DCLK3: variants seen among roughly 807,000 people sequenced by gnomAD.
DCLK3 encodes the protein serine/threonine-protein kinase DCLK3.
A neutral mutation model predicts 46.4 loss-of-function variants in DCLK3; 30 were observed. That is an observed-to-expected ratio of 0.65 (90% CI 0.48 to 0.88). The LOEUF is 0.88. Ranked by LOEUF, DCLK3 falls within the 40% of genes least tolerant of loss-of-function variation. The pLI, the probability that DCLK3 is intolerant of heterozygous loss-of-function variation, is 0.00. For synonymous variants in DCLK3, 401 were observed against 339.2 expected (o/e 1.18, Z -2.00); for missense variants, 846 against 907.1 (o/e 0.93, Z 0.87).
intron 2 of DCLK3, among the ~76,000 whole-genome samples, chr3:36,735,579 G>C (rs955196578): frequency 1.3e-5 from 2 of 152,190 alleles, no homozygotes; most frequent in Admixed American, 1.3e-4. Flanking sequence ...TCCCCAGGCT[G>C]AGTTTACAGC....
At position 36,743,273 on chromosome 3, in the gene DCLK3, C is replaced by A. The variant is rs200992178; in HGVS notation, c.83-4189G>T. Among the ~76,000 whole-genome samples the A allele has an allele frequency of 2.0e-3, 239 of 117,818 alleles. 1 individual carries two copies. Among genetic ancestry groups the A allele is most frequent in the Admixed American group, 2.8e-3 (31 of 11,106 alleles). The allele number at this position is 117,818 out of a possible 152,430, so 77.3% of individuals were successfully genotyped here. On this transcript the variant is annotated intron_variant, in intron 1 of 4. Coordinates refer to ENST00000636136, the MANE Select transcript of DCLK3 (RefSeq NM_001394672.2). The stretch of plus-strand genomic sequence containing the variant: ...AGTATAATGCAAATATCCCAAAATC[C>A]AAAAAAAAAAAAAAAAACTCCTTGA...
chr3:36,715,131 T>C lies in DCLK3; in HGVS notation c.*197A>G. On this transcript the variant is annotated 3_prime_UTR_variant, in exon 5 of 5. Transcript: ENST00000636136. ...CCAAAAATGTATTAAAGGCTTTAAA[T>C]ATACAAATCTAAAAATATGTTGTGA... is the stretch of plus-strand genomic sequence containing the variant. 1.6e-6 allele frequency: 1 copy of C among 645,074 alleles called. No homozygotes were observed. Among genetic ancestry groups the C allele is most frequent in the Middle Eastern group, 4.3e-4 (1 of 2,312 alleles). 40.0% of individuals were successfully genotyped at this position (645,074 alleles called of 1,614,324 possible). A position where few individuals can be genotyped will look rare whatever the true frequency, so the allele number is the denominator to read the frequency against.
At chr3:36,716,808 C>CTACA (rs1454294579) in intron 4 of DCLK3, among the ~76,000 whole-genome samples, 1 of 152,220 alleles carries the variant, frequency 6.6e-6, no homozygotes, top group Non-Finnish European at 1.5e-5. Context: ...AAGGGTGTGA[C>CTACA]TACAGCAGGG....
chr3:36,733,599 A>T (rs1701224966), intron 2 of DCLK3, among the ~76,000 whole-genome samples: 1 of 152,140 alleles, frequency 6.6e-6, no homozygotes, highest in Non-Finnish European at 1.5e-5. Context: ...AGCCAACACC[A>T]CCCAGCATAT....
At chr3:36,726,222 A>G (rs1412285573) in intron 2 of DCLK3, among the ~76,000 whole-genome samples, 1 of 152,090 alleles carries the variant, frequency 6.6e-6, no homozygotes, top group Non-Finnish European at 1.5e-5. Flanking sequence ...ATCAGACACA[A>G]GTCAATACTC....
intron 2 of DCLK3, among the ~76,000 whole-genome samples, chr3:36,726,856 T>G (rs1168812939): frequency 6.6e-6 from 1 of 152,186 alleles, no homozygotes; most frequent in Non-Finnish European, 1.5e-5. Context: ...TAAGAAAACC[T>G]TGTTTGGAAG....
intron 2 of DCLK3, among the ~76,000 whole-genome samples, chr3:36,725,986 G>C (rs1701120821): frequency 6.6e-6 from 1 of 152,094 alleles, no homozygotes; most frequent in African/African-American, 2.4e-5. Context: ...CCCAACAAGG[G>C]ATTTGATACA....
chr3:36,761,058 C>A (rs1243657778), intron 1 of DCLK3, among the ~76,000 whole-genome samples: 1 of 152,192 alleles, frequency 6.6e-6, no homozygotes, highest in Admixed American at 6.5e-5. Flanking sequence ...CAAATTCTGT[C>A]AACATTTAGC....
At chr3:36,763,909 A>G (rs141520246) in intron 1 of DCLK3, among the ~76,000 whole-genome samples, 31 of 152,336 alleles carry the variant, frequency 2.0e-4, no homozygotes, top group African/African-American at 7.5e-4. Context: ...CCTGCTGGCG[A>G]GGGAAATAAA....
intron 3 of DCLK3, among the ~76,000 whole-genome samples, chr3:36,718,584 G>T (rs542415495): frequency 6.6e-6 from 1 of 152,332 alleles, no homozygotes; most frequent in African/African-American, 2.4e-5. Context: ...GTCACATGTG[G>T]CATGAGATGT....
In DCLK3 at chr3:36,738,240, C is replaced by T. The variant is rs933952118; in HGVS notation, c.927G>A (p.Glu309=). Residue 309 remains glutamate, a synonymous_variant, in exon 2 of 5, where the codon GAG becomes GAA. Coordinates refer to ENST00000636136, the MANE Select transcript of DCLK3 (RefSeq NM_001394672.2). ...EKTSGEIIRC[E]KCKRERELQQ... ...GGAGCTCCCTCTCTCTCTTGCACTT[C>T]TCGCATCTGATAATTTCACCCGAGG... is the stretch of plus-strand genomic sequence containing the variant. 19 of 1,580,252 alleles carry T rather than the reference C, an allele frequency of 1.2e-5. No individual in the cohort carries two copies. The highest frequency in any genetic ancestry group is 1.6e-5 in the Non-Finnish European group (19 of 1,167,682).
rs1236929593 is a variant in DCLK3 at position 36,737,424 on chromosome 3, G to A, written c.1743C>T (p.Pro581=). 3.7e-6 allele frequency: 6 copies of A among 1,614,072 alleles called. No individual in the cohort carries two copies. The highest frequency in any genetic ancestry group is 4.2e-6 in the Non-Finnish European group (5 of 1,180,040). The change falls in exon 2 of 5, where the codon CCC becomes CCT. Residue 581 remains proline, a synonymous_variant. Coordinates refer to ENST00000636136, the MANE Select transcript of DCLK3 (RefSeq NM_001394672.2). This position sits in a 1 kb window ranked among gnomAD's most constrained non-coding sequence, Gnocchi z 4.4. The part of the protein sequence containing the change: ...EILIIQSLSH[P]NIVKLHEVYE... The stretch of plus-strand genomic sequence containing the variant: ...AGACTTCATGCAATTTCACGATGTT[G>A]GGGTGAGAGAGGCTCTGGATGATCA...
At chr3:36,758,071 T>C (rs544000469) in intron 1 of DCLK3, among the ~76,000 whole-genome samples, 1 of 152,294 alleles carries the variant, frequency 6.6e-6, no homozygotes, top group East Asian at 1.9e-4. Context: ...GTGATGTCTC[T>C]GAACCATAAA....
At chr3:36,751,683 T>C (rs1701442893) in intron 1 of DCLK3, among the ~76,000 whole-genome samples, 2 of 152,216 alleles carry the variant, frequency 1.3e-5, no homozygotes, top group South Asian at 4.1e-4. Flanking sequence ...TTCTTTGGGA[T>C]TTCTTATGAT....
At chr3:36,720,504 C>CTTT (rs34010996) in intron 3 of DCLK3, among the ~76,000 whole-genome samples, 1,556 of 129,234 alleles carry the variant, frequency 0.012, 42 homozygotes, top group African/African-American at 0.018. Flanking sequence ...ATCTCCTCAT[C>CTTT]TTTTTTTTTT....
rs758805251 is a variant in DCLK3 at position 36,715,350 on chromosome 3, C to T, written c.2432G>A (p.Arg811Lys). The T allele has an allele frequency of 3.7e-6, 6 of 1,614,138 alleles. No individual in the cohort carries two copies. The highest frequency in any genetic ancestry group is 4.2e-6 in the Non-Finnish European group (5 of 1,180,008). The change falls in exon 5 of 5, where the codon AGG becomes AAG. Residue 811 changes from arginine (R) to lysine (K), a missense_variant. Arg to Lys is a conservative substitution (Grantham distance 26). Around this residue, in one of 3 missense-constraint regions of DCLK3, gnomAD observed 46 missense variants for 41.3 expected, o/e 1.11. Transcript: ENST00000636136. ...TGACTATGATACCTGCTCCACAACC[C>T]TCTTGTGCTGGCTCCGGAAGTGACC... ...SEGHFRSQHKRVVEQVS is the reference protein window; with the variant it reads ...SEGHFRSQHKKVVEQVS
At chr3:36,743,067 T>C (rs1205418810) in intron 1 of DCLK3, among the ~76,000 whole-genome samples, 1 of 151,930 alleles carries the variant, frequency 6.6e-6, no homozygotes, top group African/African-American at 2.4e-5. Flanking sequence ...TTTTGAACCA[T>C]AAAAAAACAA....
intron 2 of DCLK3, among the ~76,000 whole-genome samples, chr3:36,726,858 G>T (rs1400175656): frequency 6.6e-6 from 1 of 152,170 alleles, no homozygotes; most frequent in Non-Finnish European, 1.5e-5. Context: ...AGAAAACCTT[G>T]TTTGGAAGGG....
intron 1 of DCLK3, among the ~76,000 whole-genome samples, chr3:36,760,122 A>T (rs1701525935): frequency 6.6e-6 from 1 of 152,124 alleles, no homozygotes; most frequent in Middle Eastern, 3.2e-3. Context: ...CAGTAGGAAC[A>T]TCCTACTCAA....
Sources: allele counts gnomAD v4.1 joint callset (sites outside exome capture counted in the v4.1 genomes callset), GRCh38; gene constraint gnomAD v4.1.1; regional missense constraint gnomAD v4.1.1; non-coding constraint Gnocchi (gnomAD v3.1); transcripts MANE v1.5; gene names NCBI Gene and HGNC (gene_info 2026-07-23, HGNC 2026-07-21).